The following EGFLAM variants were observed in gnomAD, a reference collection of about 807,000 sequenced individuals.
EGFLAM encodes EGF like, fibronectin type III and laminin G domains.
Under a neutral mutation model 113.1 loss-of-function variants are expected in EGFLAM, and 79 were observed. The ratio of observed to expected loss-of-function variants is 0.70; its 90% CI spans 0.58 to 0.84. EGFLAM has a LOEUF of 0.84. EGFLAM is among the 40% of genes least tolerant of loss of function. The probability of loss-of-function intolerance (pLI) is 0.00; values close to 1 mark genes in which losing one functional copy is unlikely to be tolerated. For missense variants in EGFLAM, 1,265 were observed against 1,291.6 expected, an observed-to-expected ratio of 0.98 and a Z score of 0.32; for synonymous variants, 504 against 487.6, an observed-to-expected ratio of 1.03 and a Z score of -0.44.
At chr5:38,407,576 A>G (rs940892412) in intron 8 of EGFLAM, among the ~76,000 whole-genome samples, 3 of 152,234 alleles carry the variant, frequency 2.0e-5, no homozygotes, top group Non-Finnish European at 4.4e-5. Flanking sequence ...TTCTTAGGAA[A>G]GCCAGTGCCG....
intron 1 of EGFLAM, among the ~76,000 whole-genome samples, chr5:38,262,988 T>G (rs1757538293): frequency 6.6e-6 from 1 of 151,882 alleles, no homozygotes; most frequent in Admixed American, 6.5e-5. Flanking sequence ...CAACACTTGG[T>G]AGAGTTTTTT....
chr5:38,302,069 G>C (rs116323114), intron 1 of EGFLAM, among the ~76,000 whole-genome samples: 1 of 151,902 alleles, frequency 6.6e-6, no homozygotes, highest in South Asian at 2.1e-4. Flanking sequence ...GCGAAACCCC[G>C]TCTCTACTAA....
intron 1 of EGFLAM, among the ~76,000 whole-genome samples, chr5:38,301,711 G>T (rs935569738): frequency 5.3e-5 from 8 of 152,150 alleles, no homozygotes; most frequent in Non-Finnish European, 8.8e-5. Context: ...GAGCTTGAAG[G>T]GGGGTAGGGT....
At chr5:38,317,331 G>A (rs986782990) in intron 1 of EGFLAM, among the ~76,000 whole-genome samples, 3 of 152,134 alleles carry the variant, frequency 2.0e-5, no homozygotes, top group African/African-American at 7.2e-5. Context: ...GAGGGAGTAG[G>A]GCAGGGAAAG....
At chr5:38,424,398 A>G (rs1741931558) in intron 12 of EGFLAM, among the ~76,000 whole-genome samples, 1 of 152,112 alleles carries the variant, frequency 6.6e-6, no homozygotes, top group Non-Finnish European at 1.5e-5. Context: ...CCATGTGCCA[A>G]TGTATTATGG....
chr5:38,382,090 C>T (rs1561058380), intron 6 of EGFLAM, among the ~76,000 whole-genome samples: 1 of 151,996 alleles, frequency 6.6e-6, no homozygotes, highest in Non-Finnish European at 1.5e-5. Flanking sequence ...GAATATTGTG[C>T]TCTATAATGC....
At chr5:38,383,480 T>A (rs1363169628) in intron 6 of EGFLAM, among the ~76,000 whole-genome samples, 1 of 151,524 alleles carries the variant, frequency 6.6e-6, no homozygotes, top group Non-Finnish European at 1.5e-5. Context: ...GTAAAGAACC[T>A]AATTTCTGAC....
intron 1 of EGFLAM, among the ~76,000 whole-genome samples, chr5:38,270,212 C>T (rs1040567513): frequency 5.9e-5 from 9 of 152,220 alleles, no homozygotes; most frequent in African/African-American, 1.9e-4. Context: ...AACTGAGAAG[C>T]AGCTGTTGCA....
chr5:38,429,485 G>A (rs956967794), intron 14 of EGFLAM, among the ~76,000 whole-genome samples: 2 of 152,220 alleles, frequency 1.3e-5, no homozygotes, highest in African/African-American at 4.8e-5. Flanking sequence ...TAATTGGGAA[G>A]TTCAGCGAGG....
At chr5:38,377,254 C>T (rs1003859540) in intron 6 of EGFLAM, among the ~76,000 whole-genome samples, 3 of 152,066 alleles carry the variant, frequency 2.0e-5, no homozygotes, top group Non-Finnish European at 4.4e-5. Context: ...TCTCCTGCCT[C>T]AGCCTCCCGA....
chr5:38,421,867 G>T (rs186558855), intron 12 of EGFLAM, among the ~76,000 whole-genome samples: 1 of 152,094 alleles, frequency 6.6e-6, no homozygotes, highest in East Asian at 1.9e-4. Flanking sequence ...GAAGAGGAAG[G>T]GGGAGATGGG....
chr5:38,318,835 C>G (rs916953598), intron 1 of EGFLAM, among the ~76,000 whole-genome samples: 1 of 152,072 alleles, frequency 6.6e-6, no homozygotes, highest in East Asian at 1.9e-4. Flanking sequence ...TCTCTTTCCT[C>G]AGGAAAGACC....
chr5:38,289,117 T>G (rs767619981), intron 1 of EGFLAM, among the ~76,000 whole-genome samples: 35 of 152,168 alleles, frequency 2.3e-4, no homozygotes, highest in Non-Finnish European at 4.6e-4. Flanking sequence ...CAAACCAGCC[T>G]CCCTGACACC....
intron 1 of EGFLAM, among the ~76,000 whole-genome samples, chr5:38,287,594 A>G (rs1758198111): frequency 6.6e-6 from 1 of 151,930 alleles, no homozygotes; most frequent in African/African-American, 2.4e-5. Flanking sequence ...CTGGTCTCAA[A>G]CTCCTGGCCT....
At chr5:38,311,886 G>T (rs990747608) in intron 1 of EGFLAM, among the ~76,000 whole-genome samples, 1 of 152,168 alleles carries the variant, frequency 6.6e-6, no homozygotes, top group Non-Finnish European at 1.5e-5. Flanking sequence ...AAGAAAAAGG[G>T]AGCAGCAGAG....
intron 6 of EGFLAM, among the ~76,000 whole-genome samples, chr5:38,400,497 T>G (rs1225991945): frequency 6.6e-6 from 1 of 152,156 alleles, no homozygotes; most frequent in Non-Finnish European, 1.5e-5. Context: ...ACAGGGAGAA[T>G]TCTTATCACT....
chr5:38,330,490 C>T (rs1739012766), intron 1 of EGFLAM, among the ~76,000 whole-genome samples: 1 of 152,174 alleles, frequency 6.6e-6, no homozygotes, highest in African/African-American at 2.4e-5. Context: ...TCTCTCTCTC[C>T]CTGTCTCTCT....
chr5:38,326,860 G>T (rs140738382), intron 1 of EGFLAM, among the ~76,000 whole-genome samples: 9 of 147,386 alleles, frequency 6.1e-5, no homozygotes, highest in African/African-American at 1.8e-4. Flanking sequence ...GTTCAATGGC[G>T]CAATCTCGGC....
chr5:38,289,802 A>G (rs149643575), intron 1 of EGFLAM, among the ~76,000 whole-genome samples: 1 of 152,342 alleles, frequency 6.6e-6, no homozygotes, highest in East Asian at 1.9e-4. Flanking sequence ...AAGTTTCTCC[A>G]AAGAAGGCCA....
Sources: gnomAD v4.1 joint callset for allele counts (sites outside exome capture counted in the v4.1 genomes callset) on GRCh38, gnomAD v4.1.1 for gene constraint, MANE v1.5 for transcripts, NCBI Gene and HGNC (gene_info 2026-07-23, HGNC 2026-07-21) for gene names.